PHLDB2: variants seen among roughly 807,000 people sequenced by gnomAD.
PHLDB2 encodes the protein pleckstrin homology-like domain family B member 2.
Under a neutral mutation model 123.6 loss-of-function variants are expected in PHLDB2, and 71 were observed. The observed-to-expected ratio is 0.57, with a 90% CI of 0.47 to 0.70. The LOEUF is 0.70. PHLDB2 is among the 30% of genes least tolerant of loss of function. The probability of loss-of-function intolerance (pLI) is 0.00; values close to 1 mark genes in which losing one functional copy is unlikely to be tolerated. For synonymous variants in PHLDB2, 547 were observed against 541.6 expected, an observed-to-expected ratio of 1.01 and a Z score of -0.14; for missense variants, 1,446 against 1,519.5, an observed-to-expected ratio of 0.95 and a Z score of 0.80.
At chr3:111,873,018 C>G (rs1467111486) in intron 1 of PHLDB2, among the ~76,000 whole-genome samples, 1 of 152,138 alleles carries the variant, frequency 6.6e-6, no homozygotes, top group Non-Finnish European at 1.5e-5. Flanking sequence ...GGGTATCAAA[C>G]ACGAATATCC....
intron 5 of PHLDB2, among the ~76,000 whole-genome samples, chr3:111,923,707 C>G (rs1159269800): frequency 1.3e-5 from 2 of 152,188 alleles, no homozygotes; most frequent in African/African-American, 4.8e-5. Flanking sequence ...ATATGTTCAA[C>G]AGAAACCTGG....
chr3:111,868,956 CTT>C (rs998157902), intron 1 of PHLDB2, among the ~76,000 whole-genome samples: 2 of 152,120 alleles, frequency 1.3e-5, no homozygotes, highest in African/African-American at 4.8e-5. Flanking sequence ...TAGCACAAAA[CTT>C]TTTAAAAAAT....
At chr3:111,943,285 A>G (rs1200423363) in intron 8 of PHLDB2, among the ~76,000 whole-genome samples, 1 of 152,182 alleles carries the variant, frequency 6.6e-6, no homozygotes, top group Admixed American at 6.5e-5. Context: ...CACCAAAACA[A>G]TTCTTTCAAA....
intron 2 of PHLDB2, among the ~76,000 whole-genome samples, chr3:111,849,847 T>C (rs2064170413): frequency 6.6e-6 from 1 of 152,082 alleles, no homozygotes; most frequent in Admixed American, 6.6e-5. Context: ...CAGCAACTTA[T>C]ATGGAGCTGG....
chr3:111,862,230 TGTG>T (rs2064867689), intron 1 of PHLDB2, among the ~76,000 whole-genome samples: 1 of 152,218 alleles, frequency 6.6e-6, no homozygotes, highest in African/African-American at 2.4e-5. Flanking sequence ...GCTATGGTGC[TGTG>T]GATGGCTTAG....
chr3:111,853,296 C>A (rs1008678518), intron 2 of PHLDB2, among the ~76,000 whole-genome samples: 1 of 151,984 alleles, frequency 6.6e-6, no homozygotes, highest in African/African-American at 2.4e-5. Context: ...ACATAGTTTC[C>A]CTTAACAACA....
chr3:111,808,051 G>T (rs1328693480), intron 1 of PHLDB2, among the ~76,000 whole-genome samples: 2 of 151,528 alleles, frequency 1.3e-5, no homozygotes, highest in East Asian at 3.9e-4. Context: ...CCAATGCCTG[G>T]GACCCAGCCC....
chr3:111,857,137 A>T (rs1022512392), upstream of PHLDB2, among the ~76,000 whole-genome samples: 4 of 152,102 alleles, frequency 2.6e-5, no homozygotes, highest in African/African-American at 9.7e-5. Flanking sequence ...CCACTGTGGC[A>T]GGGGCTAAGT....
intron 1 of PHLDB2, among the ~76,000 whole-genome samples, chr3:111,874,172 A>T (rs1034521358): frequency 6.6e-6 from 1 of 151,430 alleles, no homozygotes; most frequent in Non-Finnish European, 1.5e-5. Context: ...AATAATACCA[A>T]TCAGATTCCC....
chr3:111,865,115 C>T (rs1205771080), intron 1 of PHLDB2, among the ~76,000 whole-genome samples: 1 of 152,138 alleles, frequency 6.6e-6, no homozygotes, highest in Non-Finnish European at 1.5e-5. Flanking sequence ...TGAATAGTGC[C>T]GCACAGCCAA....
At chr3:111,848,072 A>G (rs1012614370) in intron 2 of PHLDB2, among the ~76,000 whole-genome samples, 2 of 152,110 alleles carry the variant, frequency 1.3e-5, no homozygotes, top group African/African-American at 4.8e-5. Context: ...CTGTGTAGGT[A>G]GGCAGTATGC....
At chr3:111,838,280 C>G (rs866469796) in intron 1 of PHLDB2, among the ~76,000 whole-genome samples, 1 of 152,148 alleles carries the variant, frequency 6.6e-6, no homozygotes. Context: ...GGACTATAGG[C>G]ACCTGCCACC....
intron 12 of PHLDB2, chr3:111,960,070 G>A (rs774142033): frequency 3.7e-5 from 18 of 491,098 alleles, no homozygotes; most frequent in Admixed American, 6.4e-5. Context: ...GAAAATATAC[G>A]TGTGTGAGCT....
At chr3:111,882,471 A>G (rs1328584077) in intron 1 of PHLDB2, among the ~76,000 whole-genome samples, 1 of 152,214 alleles carries the variant, frequency 6.6e-6, no homozygotes, top group East Asian at 1.9e-4. Context: ...CAGAAAGGGC[A>G]CTGTCCTGGA....
At chr3:111,743,922 T>C (rs775484986) in intron 1 of PHLDB2, among the ~76,000 whole-genome samples, 5 of 152,192 alleles carry the variant, frequency 3.3e-5, no homozygotes, top group East Asian at 1.9e-4. Context: ...TTATCATCCA[T>C]TGGAAGAATA....
At chr3:111,952,483 T>A in intron 10 of PHLDB2, 89 bp from the exon 11 acceptor site, 1 of 1,443,386 alleles carries the variant, frequency 6.9e-7, no homozygotes, top group Non-Finnish European at 9.3e-7. Flanking sequence ...AATTCCAGTT[T>A]TTTTTGTAAG....
chr3:111,764,700 G>C (rs1217201358), intron 1 of PHLDB2, among the ~76,000 whole-genome samples: 1 of 152,140 alleles, frequency 6.6e-6, no homozygotes, highest in African/African-American at 2.4e-5. Flanking sequence ...TCAATTCCAG[G>C]GGGCACTGTT....
intron 2 of PHLDB2, among the ~76,000 whole-genome samples, chr3:111,891,276 G>C (rs375808170): frequency 7.2e-5 from 11 of 152,088 alleles, no homozygotes; most frequent in African/African-American, 2.7e-4. Context: ...GGAGGTGAGC[G>C]GTGAGCCAGC....
chr3:111,852,842 G>A (rs1408564206), intron 2 of PHLDB2, among the ~76,000 whole-genome samples: 1 of 151,966 alleles, frequency 6.6e-6, no homozygotes, highest in Admixed American at 6.6e-5. Flanking sequence ...AAAGATTGGG[G>A]GTAGGGCAGA....
Sources: gnomAD v4.1 joint callset for allele counts (sites outside exome capture counted in the v4.1 genomes callset) on GRCh38, gnomAD v4.1.1 for gene constraint, MANE v1.5 for transcripts, NCBI Gene and HGNC (gene_info 2026-07-23, HGNC 2026-07-21) for gene names.